MROH9: variants seen among roughly 807,000 people sequenced by gnomAD.
The protein encoded by MROH9 is maestro heat like repeat family member 9.
A neutral mutation model predicts 98.2 loss-of-function variants in MROH9; 92 were observed. The observed-to-expected ratio is 0.94, with a 90% CI of 0.79 to 1.11. The LOEUF is 1.11. Among genes scored for constraint, MROH9 ranks in the 50% most tolerant of loss-of-function variants. MROH9 has a pLI of 0.00. For synonymous variants in MROH9, 397 were observed against 368.9 expected, an observed-to-expected ratio of 1.08 and a Z score of -0.87; for missense variants, 1,057 against 1,014.8, an observed-to-expected ratio of 1.04 and a Z score of -0.57.
intron 8 of MROH9, among the ~76,000 whole-genome samples, chr1:170,976,982 G>A (rs765609238): frequency 1.3e-4 from 19 of 151,916 alleles, no homozygotes; most frequent in Admixed American, 2.6e-4. Flanking sequence ...AATTCAGAGA[G>A]CCAGTCTTCA....
chr1:170,959,445 C>T lies in MROH9; in HGVS notation c.153-17C>T. On this transcript the variant is annotated splice_polypyrimidine_tract_variant and intron_variant, in intron 4 of 21. Transcript: ENST00000367759. ...TTTGTTTTCTCATCATTAATAATTG[C>T]TCCTTTTTCTTGTCAGCTTTGTGGA... 6.3e-7 allele frequency: 1 copy of T among 1,577,284 alleles called. No homozygotes were observed.
At chr1:170,967,039 C>T (rs993188000) in intron 7 of MROH9, among the ~76,000 whole-genome samples, 3 of 152,142 alleles carry the variant, frequency 2.0e-5, no homozygotes, top group Admixed American at 2.0e-4. Context: ...CATCTTCTAT[C>T]ACTTCTTTCC....
intron 15 of MROH9, among the ~76,000 whole-genome samples, chr1:171,012,860 A>G (rs9426925): frequency 0.09 from 13,742 of 152,184 alleles, 727 homozygotes; most frequent in Middle Eastern, 0.17. Flanking sequence ...GTCAGTTATT[A>G]AATGTATGAA....
chr1:170,948,694 T>C (rs1469024276), intron 3 of MROH9, among the ~76,000 whole-genome samples: 2 of 152,036 alleles, frequency 1.3e-5, no homozygotes, highest in African/African-American at 2.4e-5. Context: ...TTATAAGCTA[T>C]GAAGAAGTTA....
intron 1 of MROH9, among the ~76,000 whole-genome samples, chr1:170,939,615 T>C (rs747766918): frequency 6.6e-6 from 1 of 152,214 alleles, no homozygotes; most frequent in Non-Finnish European, 1.5e-5. Flanking sequence ...TGTAATTTAC[T>C]TGTGCCTTCA....
intron 3 of MROH9, among the ~76,000 whole-genome samples, chr1:170,949,264 A>G (rs1649457613): frequency 6.6e-6 from 1 of 152,036 alleles, no homozygotes; most frequent in African/African-American, 2.4e-5. Context: ...CAACACTTCC[A>G]CAAGTTGTGG....
intron 21 of MROH9, among the ~76,000 whole-genome samples, chr1:171,063,317 A>G (rs1414676895): frequency 1.5e-5 from 2 of 132,206 alleles, no homozygotes; most frequent in African/African-American, 2.9e-5. Flanking sequence ...CAGTGGTGTG[A>G]TCTCAGCTCA....
chr1:171,061,207 C>T (rs1654000364), intron 20 of MROH9, among the ~76,000 whole-genome samples: 1 of 152,060 alleles, frequency 6.6e-6, no homozygotes, highest in South Asian at 2.1e-4. Flanking sequence ...TGAAAGGAAA[C>T]ATTTTAACAG....
chr1:170,940,539 G>A (rs532640466), intron 1 of MROH9, among the ~76,000 whole-genome samples: 55 of 152,204 alleles, frequency 3.6e-4, no homozygotes, highest in African/African-American at 1.1e-3. Context: ...TACACCTTAC[G>A]GAAAGGGATA....
chr1:170,948,355 T>G (rs1649414277), intron 3 of MROH9, among the ~76,000 whole-genome samples: 1 of 152,026 alleles, frequency 6.6e-6, no homozygotes, highest in Admixed American at 6.6e-5. Context: ...CGCTGATAAT[T>G]AAAGCAAAAC....
rs7539152 is a variant in MROH9, at chr1:170,957,251, T to G, written c.73-1210T>G. On this transcript the variant is annotated intron_variant, in intron 3 of 21. Coordinates refer to ENST00000367759, the MANE Select transcript of MROH9 (RefSeq NM_001163629.2). ...ATATCCAAAAAATCTTCACCGAAACTAATGTAAATAAGCTCTTTCCCTATG... is the reference window on the plus strand; with the variant it reads ...ATATCCAAAAAATCTTCACCGAAACGAATGTAAATAAGCTCTTTCCCTATG... 2.2e-3 allele frequency among the ~76,000 whole-genome samples: 341 copies of G among 152,214 alleles called. 1 individual carries two copies. The highest frequency in any genetic ancestry group is 7.8e-3 in the African/African-American group (323 of 41,530).
At chr1:171,028,032 T>G (rs1412494751) in intron 20 of MROH9, among the ~76,000 whole-genome samples, 1 of 152,226 alleles carries the variant, frequency 6.6e-6, no homozygotes, top group Non-Finnish European at 1.5e-5. Context: ...AGCTGTTTAA[T>G]TTAATTAGAC....
At chr1:170,989,746 G>A (rs1651279215) in intron 10 of MROH9, 109 bp from the exon 11 acceptor site, 11 of 976,618 alleles carry the variant, frequency 1.1e-5, no homozygotes, top group Non-Finnish European at 1.7e-5. Flanking sequence ...GTTAGTTGCT[G>A]CTTTGGTAAT....
intron 3 of MROH9, among the ~76,000 whole-genome samples, chr1:170,951,250 T>C (rs1649541897): frequency 6.6e-6 from 1 of 152,056 alleles, no homozygotes; most frequent in Non-Finnish European, 1.5e-5. Flanking sequence ...GGCATTCCAA[T>C]TACAGAAACA....
chr1:171,055,707 T>C (rs1653818505), intron 20 of MROH9, among the ~76,000 whole-genome samples: 1 of 150,868 alleles, frequency 6.6e-6, no homozygotes, highest in African/African-American at 2.4e-5. Context: ...AGACAACATA[T>C]TGAGGGGCCA....
chr1:171,011,537 C>T (rs1047771069), intron 15 of MROH9, among the ~76,000 whole-genome samples: 3 of 152,086 alleles, frequency 2.0e-5, no homozygotes, highest in Non-Finnish European at 2.9e-5. Context: ...ATTTATTTCA[C>T]TCAGAATTTC....
chr1:171,015,218 T>C (rs1448428298), intron 16 of MROH9: 1 of 351,866 alleles, frequency 2.8e-6, no homozygotes, highest in Non-Finnish European at 5.6e-6. Context: ...AGCCATGGTC[T>C]GTTTACTTTA....
At chr1:170,978,908 C>A (rs763400576) in intron 8 of MROH9, among the ~76,000 whole-genome samples, 22 of 152,130 alleles carry the variant, frequency 1.4e-4, no homozygotes, top group Admixed American at 1.2e-3. Flanking sequence ...GCAAAGAGGG[C>A]AACTCGCCCT....
chr1:171,054,520 G>A (rs1257599918), intron 20 of MROH9, among the ~76,000 whole-genome samples: 2 of 152,068 alleles, frequency 1.3e-5, no homozygotes, highest in African/African-American at 2.4e-5. Flanking sequence ...ACAAAATTAA[G>A]ATAAACAGAT....
Sources: allele counts gnomAD v4.1 joint callset (sites outside exome capture counted in the v4.1 genomes callset), GRCh38; gene constraint gnomAD v4.1.1; transcripts MANE v1.5; gene names NCBI Gene and HGNC (gene_info 2026-07-23, HGNC 2026-07-21).